Variants in FAM117B observed in about 807,000 individuals in gnomAD.
The protein encoded by FAM117B is family with sequence similarity 117 member B, also known as protein FAM117B.
Under a neutral mutation model 52.8 loss-of-function variants are expected in FAM117B, and 22 were observed. The observed-to-expected ratio is 0.42, with a 90% CI of 0.30 to 0.59. The LOEUF is 0.59. Ranked by LOEUF, FAM117B falls within the 20% of genes least tolerant of loss-of-function variation. The pLI, the probability that FAM117B is intolerant of heterozygous loss-of-function variation, is 0.22. For missense variants in FAM117B, 678 were observed against 802.6 expected (o/e 0.84, Z 1.88); for synonymous variants, 309 against 324.1 (o/e 0.95, Z 0.50).
At position 202,745,396 on chromosome 2, in the gene FAM117B, A is replaced by G. The variant is rs867524186; in HGVS notation, c.961-10142A>G. Among the ~76,000 whole-genome samples the G allele has an allele frequency of 1.7e-4, 26 of 152,344 alleles. 1 individual carries two copies. The Middle Eastern group carries it at 0.01, about 60-fold the overall frequency. ...AAGCAAGTCCTACATCTGGAAATGAAAGGAGGATATCTACCATCATGAAAA... is the reference window on the plus strand; with the variant it reads ...AAGCAAGTCCTACATCTGGAAATGAGAGGAGGATATCTACCATCATGAAAA... On this transcript the variant is annotated intron_variant, in intron 4 of 7. Coordinates refer to ENST00000392238, the MANE Select transcript of FAM117B (RefSeq NM_173511.4).
At chr2:202,662,243 G>A (rs1318458706) in intron 1 of FAM117B, among the ~76,000 whole-genome samples, 7 of 152,170 alleles carry the variant, frequency 4.6e-5, no homozygotes, top group African/African-American at 1.7e-4. Flanking sequence ...CAGCATGGGT[G>A]AATCTGGAGG....
chr2:202,730,437 A>T (rs1402321179), intron 4 of FAM117B, among the ~76,000 whole-genome samples: 2 of 152,168 alleles, frequency 1.3e-5, no homozygotes, highest in East Asian at 3.9e-4. Context: ...TGGGAGGCCG[A>T]GGCGGGTGGG....
chr2:202,663,655 C>A (rs1004593301), intron 1 of FAM117B, among the ~76,000 whole-genome samples: 12 of 149,604 alleles, frequency 8.0e-5, no homozygotes, highest in Admixed American at 2.7e-4. Context: ...GCGATCTTGG[C>A]TCACTGCAAC....
At chr2:202,679,038 CA>C (rs1690424254) in intron 1 of FAM117B, among the ~76,000 whole-genome samples, 1 of 152,148 alleles carries the variant, frequency 6.6e-6, no homozygotes, top group African/African-American at 2.4e-5. Context: ...ACTCCTATAA[CA>C]ATATCATAAT....
chr2:202,653,723 G>A (rs564244453), intron 1 of FAM117B, among the ~76,000 whole-genome samples: 7 of 152,102 alleles, frequency 4.6e-5, no homozygotes, highest in African/African-American at 1.4e-4. Context: ...TTGTTAACCC[G>A]TTTTTCTTCA....
chr2:202,710,833 T>A (rs1366328302), intron 2 of FAM117B, among the ~76,000 whole-genome samples: 1 of 152,228 alleles, frequency 6.6e-6, no homozygotes, highest in Non-Finnish European at 1.5e-5. Flanking sequence ...TCTGACTGGC[T>A]GATTTCACTT....
At chr2:202,757,484 C>T in intron 6 of FAM117B, 46 bp downstream of exon 6, 3 of 1,533,132 alleles carry the variant, frequency 2.0e-6, no homozygotes, top group Non-Finnish European at 1.8e-6. Flanking sequence ...TGGAATACCT[C>T]CTCTTGTATC....
rs199888122 is a variant in FAM117B, at chr2:202,691,581, ATAGT to A, written c.602-4296_602-4293del. On this transcript the variant is annotated intron_variant, in intron 1 of 7. Coordinates refer to ENST00000392238, the MANE Select transcript of FAM117B (RefSeq NM_173511.4). ...GTAGGCAACTGAAGCAACAATGGTC[ATAGT>A]TAGGGAAGAAAAGTGCCAGACAGCT... Among the ~76,000 whole-genome samples the A allele has an allele frequency of 8.4e-3, 1,281 of 152,068 alleles. 25 individuals are homozygous for A. The highest frequency in any genetic ancestry group is 0.029 in the African/African-American group (1,209 of 41,442).
intron 4 of FAM117B, among the ~76,000 whole-genome samples, chr2:202,731,333 AT>A (rs1249816021): frequency 0.019 from 380 of 20,522 alleles, 20 homozygotes; most frequent in Admixed American, 0.058. Flanking sequence ...AGAAATTGGA[AT>A]ATATATATAT....
chr2:202,686,106 A>G (rs1182288267), intron 1 of FAM117B, among the ~76,000 whole-genome samples: 1 of 152,210 alleles, frequency 6.6e-6, no homozygotes, highest in African/African-American at 2.4e-5. Flanking sequence ...AAAAATGGAC[A>G]ATGGATTTGA....
intron 1 of FAM117B, among the ~76,000 whole-genome samples, chr2:202,670,639 C>CCAT (rs1232007666): frequency 6.6e-6 from 1 of 152,126 alleles, no homozygotes; most frequent in Non-Finnish European, 1.5e-5. Context: ...GGGCCACAGA[C>CCAT]CATTCAAGAC....
chr2:202,735,895 T>C (rs1394335960), intron 4 of FAM117B, among the ~76,000 whole-genome samples: 1 of 152,202 alleles, frequency 6.6e-6, no homozygotes, highest in African/African-American at 2.4e-5. Flanking sequence ...TAACTCATCA[T>C]TTAACATTAG....
At chr2:202,704,486 A>C (rs574096099) in intron 2 of FAM117B, among the ~76,000 whole-genome samples, 1 of 152,312 alleles carries the variant, frequency 6.6e-6, no homozygotes, top group Non-Finnish European at 1.5e-5. Context: ...CTGTCTAGAC[A>C]CTGCTGCAGC....
intron 4 of FAM117B, among the ~76,000 whole-genome samples, chr2:202,739,873 T>G (rs574782388): frequency 2.4e-4 from 37 of 152,024 alleles, no homozygotes; most frequent in Admixed American, 1.0e-3. Flanking sequence ...GACAGCAAAT[T>G]TAAAATTAAG....
chr2:202,717,709 C>A (rs1553521388), intron 2 of FAM117B, among the ~76,000 whole-genome samples: 1 of 152,198 alleles, frequency 6.6e-6, no homozygotes, highest in Non-Finnish European at 1.5e-5. Flanking sequence ...AGGGATGACA[C>A]AAGCACCCCT....
At chr2:202,708,343 T>C (rs752782850) in intron 2 of FAM117B, among the ~76,000 whole-genome samples, 7 of 152,242 alleles carry the variant, frequency 4.6e-5, no homozygotes, top group Non-Finnish European at 7.3e-5. Context: ...GGCTGACTTA[T>C]TTCATTTAGT....
chr2:202,637,589 GTGATAAA>G (rs1482888145), intron 1 of FAM117B, among the ~76,000 whole-genome samples: 1 of 152,164 alleles, frequency 6.6e-6, no homozygotes, highest in Non-Finnish European at 1.5e-5. Context: ...TTCTAAAACT[GTGATAAA>G]AGTACTAGAT....
At chr2:202,644,062 T>TG (rs1559092768) in intron 1 of FAM117B, among the ~76,000 whole-genome samples, 1 of 134,424 alleles carries the variant, frequency 7.4e-6, no homozygotes, top group Non-Finnish European at 1.6e-5. Flanking sequence ...TGTTTTTTTT[T>TG]TGTTTTTTTT....
intron 1 of FAM117B, among the ~76,000 whole-genome samples, chr2:202,651,589 G>A (rs1689959506): frequency 6.6e-6 from 1 of 151,798 alleles, no homozygotes; most frequent in African/African-American, 2.4e-5. Context: ...GGCCAGGCTG[G>A]TCTCAAACTC....
Sources: allele counts gnomAD v4.1 joint callset (sites outside exome capture counted in the v4.1 genomes callset), GRCh38; gene constraint gnomAD v4.1.1; transcripts MANE v1.5; gene names NCBI Gene and HGNC (gene_info 2026-07-23, HGNC 2026-07-21).